Variants in ZNF649 observed in about 807,000 individuals in gnomAD.
ZNF649 encodes zinc finger protein 649.
A neutral mutation model predicts 14.1 loss-of-function variants in ZNF649; 7 were observed. That is an observed-to-expected ratio of 0.49 (90% CI 0.28 to 0.93). ZNF649 has a LOEUF of 0.93. ZNF649 is among the 40% of genes least tolerant of loss of function. The pLI is 0.10. For missense variants in ZNF649, 544 were observed against 608.1 expected (o/e 0.89, Z 1.11); for synonymous variants, 227 against 212.3 (o/e 1.07, Z -0.60).
Position 51,900,100 on chromosome 19 carries a change from T to A in ZNF649, c.8A>T (p.Lys3Met), listed in dbSNP as rs772563485. The change falls in exon 2 of 5, where the codon AAG becomes ATG. Residue 3 changes from lysine to methionine, a missense_variant. Lys to Met is a moderately conservative substitution (Grantham distance 95). Transcript: ENST00000354957. ...AAACAAACCAAAAGTTACCTGGGCC[T>A]TTGTCATTTTCTTCTGTTTCAGGAA... MTKAQESLTLEDV... is the reference protein window; with the variant it reads MTMAQESLTLEDV... 6.5e-7 allele frequency: 1 copy of A among 1,527,950 alleles called. No individual in the cohort carries two copies. The highest frequency in any genetic ancestry group is 8.8e-7 in the Non-Finnish European group (1 of 1,136,452). The allele number at this position is 1,527,950 out of a possible 1,614,324, so 94.6% of individuals were successfully genotyped here.
rs1490326566 is a variant in ZNF649 at position 51,891,710 on chromosome 19, A to T, written c.426T>A (p.Asn142Lys). 1 of 1,613,582 alleles carries T rather than the reference A, an allele frequency of 6.2e-7. No individual in the cohort carries two copies. The highest frequency in any genetic ancestry group is 1.7e-5 in the Admixed American group (1 of 59,884). ...FNGDGAFLHDNHEQMPTEIEF... is the reference protein window; with the variant it reads ...FNGDGAFLHDKHEQMPTEIEF... ...CAATTTCCGTAGGCATTTGTTCATGATTATCATGGAGAAAAGCTCCATCTC... is the reference window on the plus strand; with the variant it reads ...CAATTTCCGTAGGCATTTGTTCATGTTTATCATGGAGAAAAGCTCCATCTC... The change falls in exon 5 of 5, where the codon AAT becomes AAA. Residue 142 changes from asparagine (N) to lysine (K), a missense_variant. Transcript: ENST00000354957. This position sits in a 1 kb window ranked among gnomAD's most constrained non-coding sequence, Gnocchi z 4.2.
intron 3 of ZNF649, 142 bp downstream of exon 3, chr19:51,896,710 A>G (rs1176846107): frequency 6.4e-7 from 1 of 1,568,434 alleles, no homozygotes; most frequent in Non-Finnish European, 8.8e-7. Context: ...AAGGAAGATT[A>G]TGCCTCTTCC....
chr19:51,892,892 C>T (rs1314652705), intron 4 of ZNF649, among the ~76,000 whole-genome samples: 2 of 152,184 alleles, frequency 1.3e-5, no homozygotes, highest in Non-Finnish European at 2.9e-5. Context: ...AAAGAATAAA[C>T]TATGTTCTAA....
At chr19:51,896,712 G>A in intron 3 of ZNF649, 140 bp downstream of exon 3, 2 of 1,567,294 alleles carry the variant, frequency 1.3e-6, no homozygotes, top group Non-Finnish European at 1.8e-6. Flanking sequence ...GGAAGATTAT[G>A]CCTCTTCCTG....
chr19:51,896,607 T>G (rs770935347), intron 3 of ZNF649, 40 bp from the exon 4 acceptor site: 11 of 1,598,584 alleles, frequency 6.9e-6, no homozygotes, highest in Admixed American at 1.7e-5. Flanking sequence ...GCTCACTGAA[T>G]TGCACCACGT....
chr19:51,900,211 A>G lies in ZNF649; in HGVS notation c.-104T>C. On this transcript the variant is annotated 5_prime_UTR_variant, in exon 2 of 5. Coordinates refer to ENST00000354957, the MANE Select transcript of ZNF649 (RefSeq NM_023074.4). ...TAAGAAATCTGAGTCTCCATTTAAG[A>G]GTGTTCCCAGAAATGATGACATCCA... is the stretch of plus-strand genomic sequence containing the variant. 1.0e-6 allele frequency: 1 copy of G among 968,860 alleles called. No homozygotes were observed. Among genetic ancestry groups the G allele is most frequent in the East Asian group, 2.8e-5 (1 of 36,178 alleles). 60.0% of individuals were successfully genotyped at this position (968,860 alleles called of 1,614,324 possible). A position where few individuals can be genotyped will look rare whatever the true frequency, so the allele number is the denominator to read the frequency against.
At chr19:51,892,916 T>TTTTTG (rs563687810) in intron 4 of ZNF649, among the ~76,000 whole-genome samples, 1,801 of 152,260 alleles carry the variant, frequency 0.012, 36 homozygotes, top group African/African-American at 0.041. Flanking sequence ...CCACGAGTGT[T>TTTTTG]TTTTGTTTTG....
At chr19:51,896,385 G>C in intron 4 of ZNF649, 87 bp downstream of exon 4, 1 of 1,190,652 alleles carries the variant, frequency 8.4e-7, no homozygotes. Context: ...TGTCTCCCTA[G>C]ACACTTTCAC....
At chr19:51,893,408 G>A (rs572977243) in intron 4 of ZNF649, among the ~76,000 whole-genome samples, 3 of 151,826 alleles carry the variant, frequency 2.0e-5, no homozygotes, top group African/African-American at 7.2e-5. Flanking sequence ...CCCCTCTTCA[G>A]TGATGTGTGT....
chr19:51,892,736 G>A (rs2122758877), intron 4 of ZNF649, among the ~76,000 whole-genome samples: 1 of 152,118 alleles, frequency 6.6e-6, no homozygotes, highest in Admixed American at 6.5e-5. Flanking sequence ...CATATTTCCA[G>A]GAAAACTGCA....
At chr19:51,901,963 A>C (rs1440054551) in intron 1 of ZNF649, among the ~76,000 whole-genome samples, 3 of 151,628 alleles carry the variant, frequency 2.0e-5, no homozygotes, top group Non-Finnish European at 4.4e-5. Flanking sequence ...AAAAAAAAAA[A>C]AAAAAAAACC....
intron 3 of ZNF649, 116 bp downstream of exon 3, chr19:51,896,735 CG>C: frequency 6.2e-7 from 1 of 1,603,270 alleles, no homozygotes; most frequent in Non-Finnish European, 8.5e-7. Context: ...GGACCAGAGA[CG>C]GGCCTGAGGA....
intron 4 of ZNF649, among the ~76,000 whole-genome samples, chr19:51,892,638 C>T (rs2085032018): frequency 1.3e-5 from 2 of 152,192 alleles, no homozygotes; most frequent in Admixed American, 1.3e-4. Flanking sequence ...TGACTTCATC[C>T]TAATCCTATT....
chr19:51,898,716 T>A (rs1276083428), intron 2 of ZNF649, among the ~76,000 whole-genome samples: 1 of 151,034 alleles, frequency 6.6e-6, no homozygotes, highest in African/African-American at 2.4e-5. Context: ...ATCGAGACCA[T>A]CCTGGCCAAG....
chr19:51,902,389 T>G (rs2122774486), intron 1 of ZNF649, among the ~76,000 whole-genome samples: 1 of 152,344 alleles, frequency 6.6e-6, no homozygotes, highest in East Asian at 1.9e-4. Context: ...GGTTGTCACC[T>G]GTACCTCTGA....
intron 1 of ZNF649, among the ~76,000 whole-genome samples, chr19:51,903,107 G>T (rs1192634183): frequency 6.6e-6 from 1 of 152,152 alleles, no homozygotes; most frequent in Non-Finnish European, 1.5e-5. Flanking sequence ...AAGGTTTGTA[G>T]CAAGGGGCGT....
intron 2 of ZNF649, 59 bp downstream of exon 2, chr19:51,900,034 T>C: frequency 7.0e-7 from 1 of 1,433,080 alleles, no homozygotes; most frequent in Non-Finnish European, 9.3e-7. Context: ...ACTGATTTCT[T>C]CAGACTTCCA....
At chr19:51,899,984 A>C in intron 2 of ZNF649, 109 bp downstream of exon 2, 13 of 932,450 alleles carry the variant, frequency 1.4e-5, no homozygotes, top group Non-Finnish European at 2.0e-5. Flanking sequence ...GTTTCTCCCC[A>C]GAGCTCATTT....
Position 51,890,495 on chromosome 19 carries a change from T to C in ZNF649, c.*123A>G, listed in dbSNP as rs946374416. 1 of 640,210 alleles carries C rather than the reference T, an allele frequency of 1.6e-6. No homozygotes were observed. Among genetic ancestry groups the C allele is most frequent in the African/African-American group, 1.8e-5 (1 of 54,564 alleles). 39.7% of individuals were successfully genotyped at this position (640,210 alleles called of 1,614,324 possible). ...GTGAGGTTTATAAGATATAAAAAAG[T>C]AAAATATATTTCATATCTTGTAAAC... On this transcript the variant is annotated 3_prime_UTR_variant, in exon 5 of 5. Coordinates refer to ENST00000354957, the MANE Select transcript of ZNF649 (RefSeq NM_023074.4).
Sources: allele counts gnomAD v4.1 joint callset (sites outside exome capture counted in the v4.1 genomes callset), GRCh38; gene constraint gnomAD v4.1.1; non-coding constraint Gnocchi (gnomAD v3.1); transcripts MANE v1.5; gene names NCBI Gene and HGNC (gene_info 2026-07-23, HGNC 2026-07-21).